The following ST8SIA1 variants were observed in gnomAD, a reference collection of about 807,000 sequenced individuals.
ST8SIA1 encodes alpha-N-acetylneuraminide alpha-2,8-sialyltransferase.
Under a neutral mutation model 35.9 loss-of-function variants are expected in ST8SIA1, and 16 were observed. The observed-to-expected ratio is 0.45, with a 90% CI of 0.30 to 0.68. The LOEUF is 0.68. ST8SIA1 is among the 30% of genes least tolerant of loss of function. The pLI, the probability that ST8SIA1 is intolerant of heterozygous loss-of-function variation, is 0.09. For synonymous variants in ST8SIA1, 170 were observed against 169.6 expected (o/e 1.00, Z -0.02); for missense variants, 383 against 453.6 (o/e 0.84, Z 1.41).
chr12:22,241,553 G>T (rs181160823), intron 4 of ST8SIA1, among the ~76,000 whole-genome samples: 2 of 151,696 alleles, frequency 1.3e-5, no homozygotes, highest in Middle Eastern at 3.4e-3. Context: ...GCGGAACCAG[G>T]AGCCAATTAA....
rs762438059 is a variant in ST8SIA1, at chr12:22,333,947, C to A, written c.236+50G>T. 4 of 1,546,878 alleles carry A rather than the reference C, an allele frequency of 2.6e-6. No individual in the cohort carries two copies. In the East Asian group the frequency reaches 9.0e-5, roughly 35 times the overall value. On this transcript the variant is annotated intron_variant, in intron 1 of 4. Transcript: ENST00000396037. ...CTCGCCGGTGACCCTGTCCTCTGCA[C>A]TCGGGGAGGAAAGGACGCTAGAGGG... is the stretch of plus-strand genomic sequence containing the variant.
intron 4 of ST8SIA1, among the ~76,000 whole-genome samples, chr12:22,206,144 T>C (rs563080951): frequency 1.3e-5 from 2 of 152,276 alleles, no homozygotes; most frequent in Non-Finnish European, 2.9e-5. Context: ...TCACCTCCTA[T>C]GACAAATCTC....
chr12:22,274,309 C>A (rs916763659), intron 2 of ST8SIA1, among the ~76,000 whole-genome samples: 8 of 152,114 alleles, frequency 5.3e-5, no homozygotes, highest in Non-Finnish European at 1.5e-5. Context: ...CAAGCTACAG[C>A]GTGGTAATGG....
chr12:22,333,898 T>C lies in ST8SIA1; in HGVS notation c.236+99A>G. 3 of 1,039,200 alleles carry C rather than the reference T, an allele frequency of 2.9e-6. No homozygotes were observed. In the South Asian group the frequency reaches 3.8e-5, roughly 13 times the overall value. 64.4% of individuals were successfully genotyped at this position (1,039,200 alleles called of 1,614,324 possible). A position where few individuals can be genotyped will look rare whatever the true frequency, so the allele number is the denominator to read the frequency against. ...TGGAAGAGCGGATGAAAGGGATGCC[T>C]CTGCGAGACGGTGCAAGGCGGTCCT... On this transcript the variant is annotated intron_variant, in intron 1 of 4. Transcript: ENST00000396037.
At chr12:22,326,598 T>C (rs937774147) in intron 1 of ST8SIA1, among the ~76,000 whole-genome samples, 2 of 152,202 alleles carry the variant, frequency 1.3e-5, no homozygotes, top group African/African-American at 2.4e-5. Context: ...GATCCTTATC[T>C]CTGGGACTCC....
chr12:22,239,532 T>G (rs529009578), intron 4 of ST8SIA1, among the ~76,000 whole-genome samples: 8 of 152,366 alleles, frequency 5.3e-5, no homozygotes, highest in African/African-American at 1.9e-4. Flanking sequence ...ACCTATTTAA[T>G]TTGGATATTC....
At chr12:22,287,488 CAAA>C (rs60549878) in intron 1 of ST8SIA1, among the ~76,000 whole-genome samples, 195 bp from the exon 2 acceptor site, 125 of 126,338 alleles carry the variant, frequency 9.9e-4, no homozygotes, top group Middle Eastern at 3.8e-3. Flanking sequence ...TATTTCACAG[CAAA>C]AAAAAAAAAA....
At chr12:22,313,608 G>C (rs548454874) in intron 1 of ST8SIA1, among the ~76,000 whole-genome samples, 19 of 152,256 alleles carry the variant, frequency 1.2e-4, no homozygotes, top group African/African-American at 4.3e-4. Context: ...TACCCTCGAT[G>C]TTCAACAACA....
intron 1 of ST8SIA1, among the ~76,000 whole-genome samples, chr12:22,295,577 AT>A (rs1565589441): frequency 6.6e-6 from 1 of 152,072 alleles, no homozygotes; most frequent in South Asian, 2.1e-4. Context: ...TACAAAAAAA[AT>A]TTTTAATTAG....
intron 4 of ST8SIA1, among the ~76,000 whole-genome samples, chr12:22,207,820 T>C (rs1241025929): frequency 6.6e-6 from 1 of 152,090 alleles, no homozygotes; most frequent in Non-Finnish European, 1.5e-5. Flanking sequence ...GAGTTTTCAA[T>C]TTTAAAATAT....
chr12:22,214,497 G>T lies in ST8SIA1; in HGVS notation c.585-12459C>A, dbSNP rs561504727. On this transcript the variant is annotated intron_variant, in intron 4 of 4. Transcript: ENST00000396037. ...TAGACCTGGAAATGGATTGTTGCAT[G>T]TCCCATTTAAGGATTTCAAGTTAAA... 6.2e-5 allele frequency among the ~76,000 whole-genome samples: 9 copies of T among 144,210 alleles called. 1 individual carries two copies. In the South Asian group the frequency reaches 2.2e-3, roughly 35 times the overall value. 94.6% of individuals were successfully genotyped at this position (144,210 alleles called of 152,430 possible). A position where few individuals can be genotyped will look rare whatever the true frequency, so the allele number is the denominator to read the frequency against.
At chr12:22,216,962 A>G (rs1370375746) in intron 4 of ST8SIA1, among the ~76,000 whole-genome samples, 4 of 152,172 alleles carry the variant, frequency 2.6e-5, no homozygotes, top group Non-Finnish European at 5.9e-5. Flanking sequence ...TATGCAAGCT[A>G]TTTTCCTGCC....
chr12:22,279,082 T>G (rs1485138622), intron 2 of ST8SIA1, among the ~76,000 whole-genome samples: 2 of 152,204 alleles, frequency 1.3e-5, no homozygotes, highest in Non-Finnish European at 2.9e-5. Flanking sequence ...TGTTTTTGTC[T>G]GAAAAATTCT....
In ST8SIA1 at chr12:22,195,919, A is replaced by AT. The variant is rs1489085809; in HGVS notation, c.*5632dup. 6.6e-6 allele frequency: 1 copy of AT among 152,174 alleles called. No individual in the cohort carries two copies. Among genetic ancestry groups the AT allele is most frequent in the Admixed American group, 6.5e-5 (1 of 15,272 alleles). 9.4% of individuals were successfully genotyped at this position (152,174 alleles called of 1,614,324 possible). On this transcript the variant is annotated 3_prime_UTR_variant, in exon 5 of 5. Transcript: ENST00000396037. ...TTTATTGGTGTTGTGTGAAGCATAC[A>AT]TTTTAAAAATAAACATCAAAAGAAA...
rs1271065203 is a variant in ST8SIA1 at position 22,261,439 on chromosome 12, T to C, written c.382-6050A>G. Among the ~76,000 whole-genome samples, 3 of 152,358 alleles carry C rather than the reference T, an allele frequency of 2.0e-5. No individual in the cohort carries two copies. The East Asian group carries it at 5.8e-4, about 29-fold the overall frequency. ...CCACCATGCCCAGCCAAGGGTGTAC[T>C]TATGAATACAACTTCTATCAAGCCA... On this transcript the variant is annotated intron_variant, in intron 2 of 4. Coordinates refer to ENST00000396037, the MANE Select transcript of ST8SIA1 (RefSeq NM_003034.4).
At position 22,195,501 on chromosome 12, in the gene ST8SIA1, C is replaced by G. The variant is rs1038419650; in HGVS notation, c.*6051G>C. ...AAGCAGGAACACAGTCCCCCATTAC[C>G]ACAAATTATGCAGGCAACATTCCAA... On this transcript the variant is annotated 3_prime_UTR_variant, in exon 5 of 5. Transcript: ENST00000396037. The G allele has an allele frequency of 6.6e-6, 1 of 152,024 alleles. No homozygotes were observed. Among genetic ancestry groups the G allele is most frequent in the African/African-American group, 2.4e-5 (1 of 41,378 alleles). 9.4% of individuals were successfully genotyped at this position (152,024 alleles called of 1,614,324 possible). A position where few individuals can be genotyped will look rare whatever the true frequency, so the allele number is the denominator to read the frequency against.
chr12:22,333,917 C>T (rs1388461311), intron 1 of ST8SIA1, 80 bp downstream of exon 1: 3 of 1,215,734 alleles, frequency 2.5e-6, no homozygotes, highest in African/African-American at 3.0e-5. Context: ...CGGTGCAAGG[C>T]GGTCCTCGCC....
intron 4 of ST8SIA1, among the ~76,000 whole-genome samples, chr12:22,209,652 C>T (rs920384143): frequency 6.6e-6 from 1 of 152,196 alleles, no homozygotes; most frequent in Non-Finnish European, 1.5e-5. Flanking sequence ...TTGTAGGGCA[C>T]CATCCATCAC....
At chr12:22,308,049 CTGAG>C in intron 1 of ST8SIA1, among the ~76,000 whole-genome samples, 1 of 152,304 alleles carries the variant, frequency 6.6e-6, no homozygotes, top group East Asian at 1.9e-4. Flanking sequence ...CCTCAGCCTC[CTGAG>C]TAACTGGGAC....
Sources: gnomAD v4.1 joint callset for allele counts (sites outside exome capture counted in the v4.1 genomes callset) on GRCh38, gnomAD v4.1.1 for gene constraint, MANE v1.5 for transcripts, NCBI Gene and HGNC (gene_info 2026-07-23, HGNC 2026-07-21) for gene names.